Variants in TEX14 observed in about 807,000 individuals in gnomAD.
TEX14 encodes testis expressed 14, intercellular bridge forming factor, also known as inactive serine/threonine-protein kinase TEX14.
Under a neutral mutation model 178.6 loss-of-function variants are expected in TEX14, and 168 were observed. That is an observed-to-expected ratio of 0.94 (90% CI 0.83 to 1.07). TEX14 has a LOEUF of 1.07. Among genes scored for constraint, TEX14 ranks in the 50% least tolerant of loss-of-function variants. TEX14 has a pLI of 0.00. For missense variants in TEX14, 1,730 were observed against 1,753.6 expected, an observed-to-expected ratio of 0.99 and a Z score of 0.24; for synonymous variants, 626 against 634.1, an observed-to-expected ratio of 0.99 and a Z score of 0.19.
intron 2 of TEX14, among the ~76,000 whole-genome samples, chr17:58,646,369 C>T (rs2046707675): frequency 6.6e-6 from 1 of 152,198 alleles, no homozygotes. Context: ...GCCCAGGCCT[C>T]CCTTGCCAGT....
Position 58,584,491 on chromosome 17 carries a change from A to G in TEX14, c.3171+9T>C. On this transcript the variant is annotated intron_variant, in intron 19 of 31. Transcript: ENST00000349033. ...GGTTCAACTTGGCTTTCCAGGCAGT[A>G]TTACTTACACTGTAAGATTTCTCTA... 6.2e-7 allele frequency: 1 copy of G among 1,604,718 alleles called. No homozygotes were observed. The highest frequency in any genetic ancestry group is 1.3e-5 in the African/African-American group (1 of 74,860).
At chr17:58,667,217 C>G (rs1369225994) in intron 1 of TEX14, among the ~76,000 whole-genome samples, 1 of 152,152 alleles carries the variant, frequency 6.6e-6, no homozygotes, top group Non-Finnish European at 1.5e-5. Flanking sequence ...ACAGGGCATG[C>G]TAGCAGGCTG....
chr17:58,618,217 C>T (rs1488633487), intron 5 of TEX14, among the ~76,000 whole-genome samples: 1 of 152,174 alleles, frequency 6.6e-6, no homozygotes, highest in Non-Finnish European at 1.5e-5. Context: ...TTTGAGGCTG[C>T]TAAGTTTGGG....
chr17:58,603,189 C>T (rs557566699), intron 11 of TEX14, among the ~76,000 whole-genome samples: 3 of 152,024 alleles, frequency 2.0e-5, no homozygotes, highest in African/African-American at 2.4e-5. Flanking sequence ...ATGGGCTCCC[C>T]GCTGGCAGGG....
rs186137164 is a variant in TEX14 at position 58,632,783 on chromosome 17, G to A, written c.137-2229C>T. ...GAAAATTAAAGCAGGGAAGGGGAGA[G>A]GGTATATAACCTTATAAGGGGGATA... On this transcript the variant is annotated intron_variant, in intron 2 of 31. Coordinates refer to ENST00000349033, the MANE Select transcript of TEX14 (RefSeq NM_031272.5). 3.5e-3 allele frequency among the ~76,000 whole-genome samples: 531 copies of A among 152,184 alleles called. 2 individuals carry two copies. The highest frequency in any genetic ancestry group is 5.0e-3 in the Non-Finnish European group (342 of 68,006).
chr17:58,659,197 G>T (rs1055627258), intron 1 of TEX14: 1 of 232,798 alleles, frequency 4.3e-6, no homozygotes. Context: ...TTATGCAGCC[G>T]AGTTTTCTCA....
intron 2 of TEX14, among the ~76,000 whole-genome samples, chr17:58,645,383 G>A (rs1314447631): frequency 6.6e-6 from 1 of 151,188 alleles, no homozygotes; most frequent in African/African-American, 2.4e-5. Flanking sequence ...TTTTGAGACG[G>A]AGTCTCACTC....
chr17:58,588,834 G>A (rs1050915043), intron 15 of TEX14, among the ~76,000 whole-genome samples: 1 of 152,140 alleles, frequency 6.6e-6, no homozygotes, highest in African/African-American at 2.4e-5. Flanking sequence ...GGAGGCTAAG[G>A]CAGGAGGATT....
intron 1 of TEX14, among the ~76,000 whole-genome samples, chr17:58,678,423 C>T (rs1203682720): frequency 6.6e-6 from 1 of 152,118 alleles, no homozygotes; most frequent in Non-Finnish European, 1.5e-5. Context: ...TTGGAACCAA[C>T]CCAAATGTCC....
intron 1 of TEX14, chr17:58,666,608 C>G (rs529376162): frequency 6.6e-6 from 1 of 152,106 alleles, no homozygotes; most frequent in East Asian, 1.9e-4. Flanking sequence ...TTGGGGAAAT[C>G]GTAGGGATCA....
At chr17:58,680,434 C>T (rs1264409589) in intron 1 of TEX14, among the ~76,000 whole-genome samples, 6 of 152,256 alleles carry the variant, frequency 3.9e-5, no homozygotes, top group Admixed American at 6.5e-5. Flanking sequence ...ATTGCACAAA[C>T]GCTAATTCTA....
In TEX14 at chr17:58,556,901, C is replaced by T; in HGVS notation, c.*110G>A. The T allele has an allele frequency of 1.1e-6, 1 of 887,408 alleles. No homozygotes were observed. Among genetic ancestry groups the T allele is most frequent in the South Asian group, 1.4e-5 (1 of 73,788 alleles). 55.0% of individuals were successfully genotyped at this position (887,408 alleles called of 1,614,324 possible). A position where few individuals can be genotyped will look rare whatever the true frequency, so the allele number is the denominator to read the frequency against. On this transcript the variant is annotated 3_prime_UTR_variant, in exon 32 of 32. Transcript: ENST00000349033. ...TGGCAGCTGAACAAAGTGAGACTTA[C>T]AGAACTGGAACTGCTGCCCTGACAG...
chr17:58,659,652 T>G (rs2047066450), intron 1 of TEX14, among the ~76,000 whole-genome samples: 1 of 152,188 alleles, frequency 6.6e-6, no homozygotes, highest in Admixed American at 6.5e-5. Context: ...ATTTTTTTTC[T>G]TTTTTCTGCA....
At position 58,572,004 on chromosome 17, in the gene TEX14, A is replaced by C; in HGVS notation, c.3634T>G (p.Phe1212Val). 2 of 1,614,156 alleles carry C rather than the reference A, an allele frequency of 1.2e-6. No homozygotes were observed. The highest frequency in any genetic ancestry group is 1.3e-5 in the African/African-American group (1 of 75,054). The change falls in exon 24 of 32, where the codon TTT becomes GTT. Residue 1212 changes from phenylalanine to valine, a missense_variant. Transcript: ENST00000349033. ...TTTGCTCTCTCTCGGACACTTATAAAGTCATCAGACAAAGTTTGAATAAAT... is the reference window on the plus strand; with the variant it reads ...TTTGCTCTCTCTCGGACACTTATAACGTCATCAGACAAAGTTTGAATAAAT... Reference protein sequence around the residue: ...QEFIQTLSDDFISVRERAKKL... With the variant: ...QEFIQTLSDDVISVRERAKKL...
In TEX14 at chr17:58,599,167, G is replaced by A. The variant is rs1249595872; in HGVS notation, c.2178C>T (p.Leu726=). The part of the protein sequence containing the change: ...LNNMSTTEEY[L]ISKCVLDLKI... ...TTAGATCCAGCACACACTTACTGATGAGATACTCCTCAGTCGTGGACATGT... is the reference window on the plus strand; with the variant it reads ...TTAGATCCAGCACACACTTACTGATAAGATACTCCTCAGTCGTGGACATGT... The change falls in exon 14 of 32, where the codon CTC becomes CTT. Residue 726 remains leucine (L), a synonymous_variant. Transcript: ENST00000349033. The A allele has an allele frequency of 2.5e-6, 4 of 1,614,134 alleles. No individual in the cohort carries two copies. In the South Asian group the frequency reaches 4.4e-5, roughly 18 times the overall value.
chr17:58,612,906 A>G (rs373078554), intron 9 of TEX14, among the ~76,000 whole-genome samples: 2 of 152,022 alleles, frequency 1.3e-5, no homozygotes, highest in East Asian at 3.9e-4. Context: ...CCCTGTCTCA[A>G]AAAAAGCAGG....
chr17:58,689,736 G>A (rs771278381), intron 1 of TEX14, among the ~76,000 whole-genome samples: 7 of 151,882 alleles, frequency 4.6e-5, no homozygotes, highest in African/African-American at 9.7e-5. Context: ...TTCCTAGTGC[G>A]TGGTTTCAAA....
intron 19 of TEX14, 49 bp from the exon 20 acceptor site, chr17:58,579,780 G>C (rs756983608): frequency 7.1e-7 from 1 of 1,411,726 alleles, no homozygotes; most frequent in East Asian, 2.3e-5. Flanking sequence ...ACTGGAGGCA[G>C]ACATATTAAA....
chr17:58,661,327 G>T, intron 1 of TEX14: 1 of 875,376 alleles, frequency 1.1e-6, no homozygotes, highest in Non-Finnish European at 2.0e-6. Flanking sequence ...CTTGTTTCAT[G>T]GTGAGGGCTC....
Sources: allele counts gnomAD v4.1 joint callset (sites outside exome capture counted in the v4.1 genomes callset), GRCh38; gene constraint gnomAD v4.1.1; transcripts MANE v1.5; gene names NCBI Gene and HGNC (gene_info 2026-07-23, HGNC 2026-07-21).